Variants in ANGPT1 observed in about 807,000 individuals in gnomAD.
ANGPT1 encodes the protein angiopoietin 1, also known as angiopoietin-1.
A neutral mutation model predicts 62.2 loss-of-function variants in ANGPT1; 17 were observed. That is an observed-to-expected ratio of 0.27 (90% CI 0.19 to 0.41). The LOEUF (loss-of-function observed/expected upper bound fraction) is 0.41. Ranked by LOEUF, ANGPT1 falls within the 10% of genes least tolerant of loss-of-function variation. The pLI is 1.00. For missense variants in ANGPT1, 478 were observed against 594.9 expected (o/e 0.80, Z 2.04); for synonymous variants, 199 against 198.9 (o/e 1.00, Z 0.00).
intron 7 of ANGPT1, among the ~76,000 whole-genome samples, chr8:107,282,461 T>G (rs1397972785): frequency 6.8e-6 from 1 of 147,006 alleles, no homozygotes. Flanking sequence ...TGTGTGCGTG[T>G]GTACACATGC....
At chr8:107,318,814 C>T (rs555320467) in intron 4 of ANGPT1, among the ~76,000 whole-genome samples, 39 of 152,180 alleles carry the variant, frequency 2.6e-4, no homozygotes, top group African/African-American at 7.9e-4. Context: ...CTCACATACT[C>T]GTCATTTCTT....
intron 6 of ANGPT1, among the ~76,000 whole-genome samples, chr8:107,285,490 T>C (rs1286591363): frequency 6.6e-6 from 1 of 152,122 alleles, no homozygotes; most frequent in East Asian, 1.9e-4. Context: ...CTGTAATTAT[T>C]TACAAAGCTG....
chr8:107,287,362 C>T (rs1349261929), intron 6 of ANGPT1, among the ~76,000 whole-genome samples: 1 of 152,126 alleles, frequency 6.6e-6, no homozygotes, highest in East Asian at 1.9e-4. Context: ...AATAAATATC[C>T]CTTCCTAAAC....
chr8:107,375,393 A>T (rs964302111), intron 1 of ANGPT1, among the ~76,000 whole-genome samples: 1 of 152,090 alleles, frequency 6.6e-6, no homozygotes, highest in African/African-American at 2.4e-5. Flanking sequence ...AAGCCAGGGG[A>T]CAATGGTCAA....
At chr8:107,252,725 T>C (rs536545635) in intron 8 of ANGPT1, among the ~76,000 whole-genome samples, 1 of 152,310 alleles carries the variant, frequency 6.6e-6, no homozygotes, top group African/African-American at 2.4e-5. Flanking sequence ...ACTTGATGAG[T>C]AACATGGAAA....
At chr8:107,263,860 T>C (rs1252233894) in intron 8 of ANGPT1, among the ~76,000 whole-genome samples, 1 of 152,180 alleles carries the variant, frequency 6.6e-6, no homozygotes, top group Non-Finnish European at 1.5e-5. Context: ...AATTGCGAAG[T>C]ATTTTATAAG....
At chr8:107,254,850 C>T (rs1054913564) in intron 8 of ANGPT1, among the ~76,000 whole-genome samples, 2 of 152,124 alleles carry the variant, frequency 1.3e-5, no homozygotes, top group Non-Finnish European at 2.9e-5. Context: ...ACAAGTAAAA[C>T]ATTCTCTACA....
intron 1 of ANGPT1, among the ~76,000 whole-genome samples, chr8:107,366,100 T>C (rs932115563): frequency 6.6e-6 from 1 of 152,192 alleles, no homozygotes; most frequent in Non-Finnish European, 1.5e-5. Context: ...AAACACTGAA[T>C]TGGAAATTGA....
intron 1 of ANGPT1, among the ~76,000 whole-genome samples, chr8:107,404,334 C>T (rs1817103884): frequency 6.6e-6 from 1 of 152,044 alleles, no homozygotes; most frequent in African/African-American, 2.4e-5. Context: ...AAGTTCAACC[C>T]GAAATCCCTG....
At chr8:107,389,697 C>A (rs1165556917) in intron 1 of ANGPT1, among the ~76,000 whole-genome samples, 2 of 152,020 alleles carry the variant, frequency 1.3e-5, no homozygotes, top group African/African-American at 4.8e-5. Flanking sequence ...AACCTCTGTG[C>A]AAAAGAGTAG....
intron 1 of ANGPT1, among the ~76,000 whole-genome samples, chr8:107,396,326 T>C (rs574421529): frequency 2.0e-5 from 3 of 152,238 alleles, no homozygotes; most frequent in African/African-American, 7.2e-5. Flanking sequence ...TTGTAGATAT[T>C]GACTTAAAAC....
chr8:107,347,195 A>C, intron 1 of ANGPT1, 98 bp from the exon 2 acceptor site: 1 of 1,269,966 alleles, frequency 7.9e-7, no homozygotes. Context: ...ACCGCTGGCA[A>C]ATCAGCCATC....
At chr8:107,434,515 A>G (rs1234562156) in intron 1 of ANGPT1, among the ~76,000 whole-genome samples, 3 of 152,206 alleles carry the variant, frequency 2.0e-5, no homozygotes, top group African/African-American at 7.2e-5. Flanking sequence ...AATAAGCTCA[A>G]GGACCTGAAT....
At chr8:107,369,839 A>G (rs896197580) in intron 1 of ANGPT1, among the ~76,000 whole-genome samples, 6 of 152,076 alleles carry the variant, frequency 3.9e-5, no homozygotes, top group African/African-American at 1.4e-4. Context: ...TACAATAGCA[A>G]TCTCAATGAT....
intron 1 of ANGPT1, among the ~76,000 whole-genome samples, chr8:107,444,638 G>C (rs889533369): frequency 2.6e-5 from 4 of 152,166 alleles, no homozygotes; most frequent in African/African-American, 4.8e-5. Flanking sequence ...AAAAGACATA[G>C]AGACTGACAG....
chr8:107,489,712 C>A (rs1004542411), intron 1 of ANGPT1, among the ~76,000 whole-genome samples: 1 of 152,068 alleles, frequency 6.6e-6, no homozygotes, highest in East Asian at 1.9e-4. Flanking sequence ...TCTTTAAAAA[C>A]CTCTTTGATA....
At chr8:107,453,311 T>C (rs1279430518) in intron 1 of ANGPT1, among the ~76,000 whole-genome samples, 1 of 152,082 alleles carries the variant, frequency 6.6e-6, no homozygotes, top group Non-Finnish European at 1.5e-5. Flanking sequence ...TAGTCTGTTT[T>C]CATGCTGCTG....
At chr8:107,464,227 CATATA>C (rs1186665066) in intron 1 of ANGPT1, among the ~76,000 whole-genome samples, 1 of 152,098 alleles carries the variant, frequency 6.6e-6, no homozygotes, top group Non-Finnish European at 1.5e-5. Flanking sequence ...AGATAATACA[CATATA>C]GTATTTGAAA....
At chr8:107,373,839 G>A (rs1278565531) in intron 1 of ANGPT1, among the ~76,000 whole-genome samples, 1 of 152,194 alleles carries the variant, frequency 6.6e-6, no homozygotes, top group African/African-American at 2.4e-5. Context: ...TTAAGTAGAT[G>A]AACATAATGA....
Sources: allele counts gnomAD v4.1 joint callset (sites outside exome capture counted in the v4.1 genomes callset), GRCh38; gene constraint gnomAD v4.1.1; transcripts MANE v1.5; gene names NCBI Gene and HGNC (gene_info 2026-07-23, HGNC 2026-07-21).